Variants in BICDL1 observed in about 807,000 individuals in gnomAD.
The protein encoded by BICDL1 is BICD family-like cargo adapter 1.
BICDL1 carries 20 observed loss-of-function variants against 76.8 expected under a neutral mutation model. That is an observed-to-expected ratio of 0.26 (90% confidence interval 0.18 to 0.38). The LOEUF (loss-of-function observed/expected upper bound fraction) is 0.38. Among genes scored for constraint, BICDL1 ranks in the 10% least tolerant of loss-of-function variants. The pLI is 1.00. For missense variants in BICDL1, 700 were observed against 798.6 expected, an observed-to-expected ratio of 0.88 and a Z score of 1.49; for synonymous variants, 383 against 337.1, an observed-to-expected ratio of 1.14 and a Z score of -1.49.
In BICDL1 at chr12:120,089,984, C is replaced by T; in HGVS notation, c.1617C>T (p.Cys539=). The T allele has an allele frequency of 6.2e-7, 1 of 1,614,190 alleles. No individual in the cohort carries two copies. The highest frequency in any genetic ancestry group is 8.5e-7 in the Non-Finnish European group (1 of 1,180,028). The part of the protein sequence containing the change: ...KNAVELELAK[C]RMDMMSLNSQ... ...CTGTGGAGCTGGAACTTGCCAAGTG[C>T]AGGATGGATATGATGTCTCTGAACA... The change falls in exon 9 of 10, where the codon TGC becomes TGT. Residue 539 remains cysteine, a synonymous_variant. Coordinates refer to ENST00000548673, the MANE Select transcript of BICDL1 (RefSeq NM_001367886.1).
At chr12:119,994,127 G>A (rs997365935) in intron 1 of BICDL1, among the ~76,000 whole-genome samples, 2 of 152,074 alleles carry the variant, frequency 1.3e-5, no homozygotes, top group African/African-American at 4.8e-5. Context: ...ATGGCTGAGT[G>A]GATTATCTCT....
At chr12:120,030,158 G>A (rs571134285) in intron 2 of BICDL1, among the ~76,000 whole-genome samples, 2 of 152,250 alleles carry the variant, frequency 1.3e-5, no homozygotes, top group South Asian at 4.1e-4. Context: ...AGTGAGTGAT[G>A]AGGACACTTA....
At chr12:120,016,709 C>G (rs114483935) in intron 2 of BICDL1, among the ~76,000 whole-genome samples, 1 of 151,912 alleles carries the variant, frequency 6.6e-6, no homozygotes, top group Admixed American at 6.6e-5. Flanking sequence ...TGTGAACCAC[C>G]ACACCTGTCC....
intron 7 of BICDL1, among the ~76,000 whole-genome samples, chr12:120,075,397 T>A (rs1873458559): frequency 6.6e-6 from 1 of 152,110 alleles, no homozygotes; most frequent in African/African-American, 2.4e-5. Flanking sequence ...CTTTTTTTTT[T>A]TTTTTTATTT....
chr12:119,991,756 T>C (rs1458620913), intron 1 of BICDL1, among the ~76,000 whole-genome samples: 1 of 152,198 alleles, frequency 6.6e-6, no homozygotes, highest in Non-Finnish European at 1.5e-5. Context: ...CGTATCAGTT[T>C]GATTAGTGCC....
chr12:120,054,907 A>T (rs977567537), intron 2 of BICDL1, among the ~76,000 whole-genome samples: 4 of 152,164 alleles, frequency 2.6e-5, no homozygotes, highest in Non-Finnish European at 4.4e-5. Flanking sequence ...TAGGAATGCT[A>T]TTGATACAAT....
chr12:120,067,622 C>T (rs1335020538), intron 4 of BICDL1, among the ~76,000 whole-genome samples: 1 of 152,194 alleles, frequency 6.6e-6, no homozygotes, highest in Non-Finnish European at 1.5e-5. Flanking sequence ...GTGCAGACCT[C>T]TCCTGGTCTT....
In BICDL1 at chr12:120,072,571, G is replaced by A; in HGVS notation, c.1150G>A (p.Gly384Ser). The stretch of plus-strand genomic sequence containing the variant: ...TCGCTATCTGTGCTCACACCTTCGA[G>A]GCAATGACAGTGCTGACTCAGCCGT... ...QVRYLCSHLR[G>S]NDSADSAVST... is the part of the protein sequence containing the mutation. The change falls in exon 6 of 10, where the codon GGC becomes AGC. Residue 384 changes from glycine to serine, a missense_variant. Around this residue, in one of 3 missense-constraint regions of BICDL1, gnomAD observed 455 missense variants for 548.7 expected, o/e 0.83. Transcript: ENST00000548673. 2 of 1,614,210 alleles carry A rather than the reference G, an allele frequency of 1.2e-6. No individual in the cohort carries two copies. The highest frequency in any genetic ancestry group is 1.7e-6 in the Non-Finnish European group (2 of 1,180,044).
intron 1 of BICDL1, among the ~76,000 whole-genome samples, chr12:119,993,963 A>G (rs764232656): frequency 6.6e-6 from 1 of 152,234 alleles, no homozygotes; most frequent in Non-Finnish European, 1.5e-5. Context: ...CTTTTCATCT[A>G]CAATTAGCCG....
At chr12:120,068,064 G>A (rs1358509104) in intron 4 of BICDL1, among the ~76,000 whole-genome samples, 2 of 152,150 alleles carry the variant, frequency 1.3e-5, no homozygotes, top group East Asian at 1.9e-4. Flanking sequence ...AAGTACTGAC[G>A]GTGAAGGTGA....
At chr12:120,080,865 AC>A in intron 7 of BICDL1, 21 bp from the exon 8 acceptor site, 1 of 1,610,632 alleles carries the variant, frequency 6.2e-7, no homozygotes. Context: ...CAGCAGTGAT[AC>A]CATATTCATT....
chr12:120,022,939 T>C (rs1187798187), intron 2 of BICDL1, among the ~76,000 whole-genome samples: 1 of 152,002 alleles, frequency 6.6e-6, no homozygotes, highest in Non-Finnish European at 1.5e-5. Flanking sequence ...GGTCTGCAGG[T>C]CTCTTGAGTA....
At chr12:120,057,493 C>T (rs1237501035) in intron 2 of BICDL1, among the ~76,000 whole-genome samples, 1 of 152,042 alleles carries the variant, frequency 6.6e-6, no homozygotes, top group African/African-American at 2.4e-5. Context: ...GCATTTAGAA[C>T]ATAAGAGTTA....
Position 120,094,368 on chromosome 12 carries a change from G to A in BICDL1, c.*1207G>A. On this transcript the variant is annotated 3_prime_UTR_variant, in exon 10 of 10. Coordinates refer to ENST00000548673, the MANE Select transcript of BICDL1 (RefSeq NM_001367886.1). ...CTGTAATTTTGTATGTAGCAATCAT[G>A]TAAATACATGTATGGATTTTATAAT... 1 of 445,194 alleles carries A rather than the reference G, an allele frequency of 2.2e-6. No individual in the cohort carries two copies. The highest frequency in any genetic ancestry group is 4.5e-6 in the Non-Finnish European group (1 of 219,970). The allele number at this position is 445,194 out of a possible 1,614,324, so 27.6% of individuals were successfully genotyped here.
At chr12:120,033,571 C>G (rs532627154) in intron 2 of BICDL1, among the ~76,000 whole-genome samples, 537 of 151,828 alleles carry the variant, frequency 3.5e-3, no homozygotes, top group Non-Finnish European at 6.5e-3. Context: ...TTAGTAGAGA[C>G]AGGGTTTCAC....
intron 2 of BICDL1, among the ~76,000 whole-genome samples, chr12:120,027,479 C>A (rs1270849587): frequency 1.3e-5 from 2 of 151,824 alleles, no homozygotes; most frequent in African/African-American, 4.8e-5. Flanking sequence ...TAGATATTAC[C>A]CTTTTCTACA....
chr12:120,018,412 A>G (rs931901715), intron 2 of BICDL1, among the ~76,000 whole-genome samples: 2 of 152,194 alleles, frequency 1.3e-5, no homozygotes, highest in African/African-American at 4.8e-5. Flanking sequence ...GTTCCAAGGC[A>G]CTGGAGGAAC....
intron 7 of BICDL1, among the ~76,000 whole-genome samples, chr12:120,077,390 G>A (rs1024207297): frequency 1.3e-5 from 2 of 152,198 alleles, no homozygotes; most frequent in Middle Eastern, 3.4e-3. Context: ...TCCCCAAGTG[G>A]CCCACCCCTC....
chr12:120,091,490 AG>A, intron 9 of BICDL1: 1 of 992,398 alleles, frequency 1.0e-6, no homozygotes, highest in African/African-American at 1.7e-5. Context: ...CACTGTGCCA[AG>A]GATCATATAC....
Sources: gnomAD v4.1 joint callset for allele counts (sites outside exome capture counted in the v4.1 genomes callset) on GRCh38, gnomAD v4.1.1 for gene constraint, gnomAD v4.1.1 regional missense constraint, MANE v1.5 for transcripts, NCBI Gene and HGNC (gene_info 2026-07-23, HGNC 2026-07-21) for gene names.